LRRN1: variants seen among roughly 807,000 people sequenced by gnomAD.
LRRN1 encodes the protein leucine-rich repeat neuronal protein 1.
In LRRN1, 14 loss-of-function variants were observed where a neutral mutation model predicts 45.8. The ratio of observed to expected loss-of-function variants is 0.31; its 90% CI spans 0.20 to 0.48. The LOEUF is 0.48. LRRN1 is among the 20% of genes least tolerant of loss of function. The pLI is 0.99. For synonymous variants in LRRN1, 359 were observed against 330.1 expected (o/e 1.09, Z -0.95); for missense variants, 789 against 874.2 (o/e 0.90, Z 1.23).
rs760878805 is a variant in LRRN1, at chr3:3,847,916, A to AAT, written c.*1134_*1135dup. 1.8e-3 allele frequency among the ~76,000 whole-genome samples: 268 copies of AAT among 152,088 alleles called. No homozygotes were observed. The highest frequency in any genetic ancestry group is 2.6e-3 in the Non-Finnish European group (180 of 67,970). On this transcript the variant is annotated 3_prime_UTR_variant, in exon 2 of 2. Coordinates refer to ENST00000319331, the MANE Select transcript of LRRN1 (RefSeq NM_020873.7). ...TGTATCCCATGCATAAATAAAGGTAAATATATATATACACCAATATATTCA... is the reference window on the plus strand; with the variant it reads ...TGTATCCCATGCATAAATAAAGGTAAATATATATATATACACCAATATATTCA...
In LRRN1 at chr3:3,799,855, C is replaced by T. The variant is rs929334106; in HGVS notation, c.-343C>T. The T allele has an allele frequency of 3.9e-5, 6 of 152,776 alleles. No individual in the cohort carries two copies. The highest frequency in any genetic ancestry group is 9.1e-5 in the African/African-American group (3 of 33,062). 9.5% of individuals were successfully genotyped at this position (152,776 alleles called of 1,614,324 possible). Reference sequence around the variant, plus strand: ...TTTCTCCTCCTCCTGCTGCTGCTGCCGCCGCCGCCGCCGTGGGTGCCGGGT... The same window carrying T: ...TTTCTCCTCCTCCTGCTGCTGCTGCTGCCGCCGCCGCCGTGGGTGCCGGGT... On this transcript the variant is annotated 5_prime_UTR_variant, in exon 1 of 2. Coordinates refer to ENST00000319331, the MANE Select transcript of LRRN1 (RefSeq NM_020873.7).
intron 1 of LRRN1, among the ~76,000 whole-genome samples, chr3:3,833,586 A>G (rs182734074): frequency 6.6e-6 from 1 of 151,896 alleles, no homozygotes; most frequent in Admixed American, 6.6e-5. Context: ...TCTCAACCTC[A>G]CCTCCAGGGG....
At chr3:3,840,261 A>T (rs1310054541) in intron 1 of LRRN1, among the ~76,000 whole-genome samples, 2 of 152,140 alleles carry the variant, frequency 1.3e-5, no homozygotes, top group East Asian at 3.9e-4. Context: ...CATTCTGTTA[A>T]TGTGGCATAT....
At chr3:3,820,539 G>C (rs943201363) in intron 1 of LRRN1, among the ~76,000 whole-genome samples, 2 of 152,060 alleles carry the variant, frequency 1.3e-5, no homozygotes, top group Admixed American at 1.3e-4. Context: ...TACTTGAAAA[G>C]AGGAGATCTA....
rs773875941 is a variant in LRRN1, at chr3:3,847,988, T to C, written c.*1196T>C. ...ACCTGTCACACACAATGCGTGTGTA[T>C]ATATATATGAATATATTGGATATGT... On this transcript the variant is annotated 3_prime_UTR_variant, in exon 2 of 2. Transcript: ENST00000319331. Among the ~76,000 whole-genome samples, 1 of 152,168 alleles carries C rather than the reference T, an allele frequency of 6.6e-6. No individual in the cohort carries two copies. Among genetic ancestry groups the C allele is most frequent in the African/African-American group, 2.4e-5 (1 of 41,420 alleles).
intron 1 of LRRN1, among the ~76,000 whole-genome samples, chr3:3,801,522 T>A (rs963411955): frequency 3.9e-5 from 6 of 152,204 alleles, no homozygotes; most frequent in African/African-American, 1.4e-4. Flanking sequence ...GGGCCATATG[T>A]GTCCCGAAGT....
At chr3:3,836,665 G>T (rs867081292) in intron 1 of LRRN1, among the ~76,000 whole-genome samples, 1 of 152,196 alleles carries the variant, frequency 6.6e-6, no homozygotes, top group Middle Eastern at 3.4e-3. Flanking sequence ...TCAAATGGAA[G>T]GAAACTGATT....
intron 1 of LRRN1, among the ~76,000 whole-genome samples, chr3:3,825,838 A>G (rs1339432923): frequency 6.6e-6 from 1 of 152,232 alleles, no homozygotes; most frequent in Non-Finnish European, 1.5e-5. Context: ...GTTTATAATT[A>G]TAGATTTTCA....
rs1259221441 is a variant in LRRN1 at position 3,816,632 on chromosome 3, A to T, written c.-279+16713A>T. 6.6e-6 allele frequency among the ~76,000 whole-genome samples: 1 copy of T among 152,214 alleles called. No individual in the cohort carries two copies. The highest frequency in any genetic ancestry group is 1.5e-5 in the Non-Finnish European group (1 of 68,032). On this transcript the variant is annotated intron_variant, in intron 1 of 1. Coordinates refer to ENST00000319331, the MANE Select transcript of LRRN1 (RefSeq NM_020873.7). The surrounding 1 kb of genome is among the most constrained non-coding windows in gnomAD (Gnocchi z 4.0). The stretch of plus-strand genomic sequence containing the variant: ...ATAACCACCCTTATTAAAGGCAAAA[A>T]TATAGGTATTACAATTTGAAACTAT...
At chr3:3,801,346 T>G (rs1692648572) in intron 1 of LRRN1, 1 of 152,202 alleles carries the variant, frequency 6.6e-6, no homozygotes. Context: ...GCGTGGAGGA[T>G]TTTCTAAAAG....
At position 3,839,571 on chromosome 3, in the gene LRRN1, T is replaced by G. The variant is rs150550657; in HGVS notation, c.-278-4793T>G. On this transcript the variant is annotated intron_variant, in intron 1 of 1. Coordinates refer to ENST00000319331, the MANE Select transcript of LRRN1 (RefSeq NM_020873.7). ...TTGATTCTGTAGATTGTTTTGGGTG[T>G]TATAGACAGTATGACAATATTAAAT... is the stretch of plus-strand genomic sequence containing the variant. Among the ~76,000 whole-genome samples the G allele has an allele frequency of 5.9e-3, 895 of 152,280 alleles. 12 individuals are homozygous for G. The highest frequency in any genetic ancestry group is 0.021 in the African/African-American group (863 of 41,586).
Position 3,821,536 on chromosome 3 carries a change from G to C in LRRN1, c.-279+21617G>C, listed in dbSNP as rs530829936. Among the ~76,000 whole-genome samples the C allele has an allele frequency of 2.6e-5, 4 of 152,146 alleles. No homozygotes were observed. The South Asian group carries it at 8.3e-4, about 32-fold the overall frequency. ...AGAAGCTGTTTAAGGGCAGGGTCTG[G>C]TCTTCCTGGCCCTGTGACACAGCAA... On this transcript the variant is annotated intron_variant, in intron 1 of 1. Coordinates refer to ENST00000319331, the MANE Select transcript of LRRN1 (RefSeq NM_020873.7).
At chr3:3,802,080 C>G (rs1692664385) in intron 1 of LRRN1, among the ~76,000 whole-genome samples, 1 of 152,196 alleles carries the variant, frequency 6.6e-6, no homozygotes, top group African/African-American at 2.4e-5. Flanking sequence ...CTTAAGGCAC[C>G]AAACTGTAGA....
At chr3:3,819,263 A>G (rs1415817788) in intron 1 of LRRN1, among the ~76,000 whole-genome samples, 1 of 152,200 alleles carries the variant, frequency 6.6e-6, no homozygotes, top group Non-Finnish European at 1.5e-5. Flanking sequence ...CTGGAATTAC[A>G]GGTGTGAGCC....
At position 3,822,223 on chromosome 3, in the gene LRRN1, G is replaced by T. The variant is rs534187655; in HGVS notation, c.-278-22141G>T. On this transcript the variant is annotated intron_variant, in intron 1 of 1. Coordinates refer to ENST00000319331, the MANE Select transcript of LRRN1 (RefSeq NM_020873.7). ...ATTCCATGAAATAATTTATGTAAAT[G>T]ATTCAATGCAGTGCATGTTGCATAA... Among the ~76,000 whole-genome samples the T allele has an allele frequency of 5.9e-5, 9 of 152,270 alleles. No homozygotes were observed. The South Asian group carries it at 1.9e-3, about 32-fold the overall frequency.
chr3:3,805,762 G>A (rs551608604), intron 1 of LRRN1, among the ~76,000 whole-genome samples: 6 of 152,194 alleles, frequency 3.9e-5, no homozygotes, highest in Admixed American at 6.5e-5. Flanking sequence ...ACCTGGGCCC[G>A]CTTGAGGGGA....
chr3:3,811,774 T>G (rs1034959280), intron 1 of LRRN1, among the ~76,000 whole-genome samples: 1 of 152,148 alleles, frequency 6.6e-6, no homozygotes, highest in African/African-American at 2.4e-5. Flanking sequence ...TTGAAGAAAA[T>G]GTACATGGTG....
chr3:3,831,207 A>G (rs1161576947), intron 1 of LRRN1, among the ~76,000 whole-genome samples: 2 of 152,354 alleles, frequency 1.3e-5, no homozygotes, highest in Admixed American at 1.3e-4. Flanking sequence ...GTTGCCTCCA[A>G]GATCCAAATA....
intron 1 of LRRN1, among the ~76,000 whole-genome samples, chr3:3,834,543 T>TATTATATGATATATATATA (rs1553563103): frequency 8.7e-6 from 1 of 115,042 alleles, no homozygotes; most frequent in African/African-American, 3.3e-5. Flanking sequence ...TATATATATA[T>TATTATATGATATATATATA]ATATATATAT....
Sources: allele counts gnomAD v4.1 joint callset (sites outside exome capture counted in the v4.1 genomes callset), GRCh38; gene constraint gnomAD v4.1.1; non-coding constraint Gnocchi (gnomAD v3.1); transcripts MANE v1.5; gene names NCBI Gene and HGNC (gene_info 2026-07-23, HGNC 2026-07-21).